Variants in SLIT3 observed in about 807,000 individuals in gnomAD.
SLIT3 encodes the protein slit guidance ligand 3.
In SLIT3, 68 loss-of-function variants were observed where a neutral mutation model predicts 184.0. The observed-to-expected ratio is 0.37, with a 90% CI of 0.30 to 0.45. The LOEUF (loss-of-function observed/expected upper bound fraction) is 0.45. Among genes scored for constraint, SLIT3 ranks in the 20% least tolerant of loss-of-function variants. The probability of loss-of-function intolerance (pLI) is 1.00; values close to 1 mark genes in which losing one functional copy is unlikely to be tolerated. For missense variants in SLIT3, 1,707 were observed against 2,026.0 expected, an observed-to-expected ratio of 0.84 and a Z score of 3.02; for synonymous variants, 831 against 828.6, an observed-to-expected ratio of 1.00 and a Z score of -0.05.
chr5:168,936,533 G>A (rs185376394), intron 4 of SLIT3, among the ~76,000 whole-genome samples: 7 of 152,206 alleles, frequency 4.6e-5, no homozygotes, highest in Admixed American at 3.9e-4. Context: ...GCGCCTGGTA[G>A]CTTTTCCTCT....
intron 17 of SLIT3, 23 bp downstream of exon 17, chr5:168,753,841 C>T (rs756825036): frequency 8.1e-6 from 13 of 1,606,064 alleles, no homozygotes; most frequent in Middle Eastern, 2.2e-4. Flanking sequence ...GGTCTTGGCC[C>T]AGGCCCCACC....
intron 1 of SLIT3, among the ~76,000 whole-genome samples, chr5:169,256,270 C>A (rs1765956925): frequency 6.6e-6 from 1 of 152,150 alleles, no homozygotes; most frequent in Non-Finnish European, 1.5e-5. Context: ...GGCAACATAG[C>A]AAGACCCTGT....
At chr5:168,669,263 G>A (rs1373039080) in intron 35 of SLIT3, among the ~76,000 whole-genome samples, 2 of 152,214 alleles carry the variant, frequency 1.3e-5, no homozygotes, top group Admixed American at 1.3e-4. Context: ...AAGACAAGTG[G>A]CTTACTCTCT....
At chr5:168,838,405 T>C (rs1047986868) in intron 6 of SLIT3, among the ~76,000 whole-genome samples, 27 of 152,214 alleles carry the variant, frequency 1.8e-4, no homozygotes, top group African/African-American at 6.3e-4. Flanking sequence ...TGCTCAAAAA[T>C]AGAAGTAGAC....
chr5:168,778,197 G>A (rs13185422), intron 12 of SLIT3, among the ~76,000 whole-genome samples: 20,283 of 152,016 alleles, frequency 0.13, 1,526 homozygotes, highest in Middle Eastern at 0.2. Flanking sequence ...CTTTTCCCAC[G>A]CACTTTCCAG....
At chr5:169,215,887 C>A (rs1036792014) in intron 3 of SLIT3, among the ~76,000 whole-genome samples, 1 of 152,200 alleles carries the variant, frequency 6.6e-6, no homozygotes, top group Non-Finnish European at 1.5e-5. Flanking sequence ...TTATCATCAT[C>A]ATAATATTTA....
At chr5:168,856,997 G>A (rs533414418) in intron 5 of SLIT3, among the ~76,000 whole-genome samples, 16 of 152,102 alleles carry the variant, frequency 1.1e-4, no homozygotes, top group African/African-American at 3.9e-4. Context: ...GGGGCCTGGT[G>A]AAAATGGTGA....
Position 169,300,655 on chromosome 5 carries a change from C to T in SLIT3, c.55G>A (p.Ala19Thr). 6.9e-7 allele frequency: 1 copy of T among 1,445,276 alleles called. No individual in the cohort carries two copies. The allele number at this position is 1,445,276 out of a possible 1,614,324, so 89.5% of individuals were successfully genotyped here. Reference sequence around the variant, plus strand: ...CTCAGGACGCTCGCCAGCGCCAAGGCCAGCGCCAGGCGGGCGCGCACGGCG... The same window carrying T: ...CTCAGGACGCTCGCCAGCGCCAAGGTCAGCGCCAGGCGGGCGCGCACGGCG... Reference protein sequence around the residue: ...GAAVRARLALALALASVLSGP... With the variant: ...GAAVRARLALTLALASVLSGP... Residue 19 changes from alanine to threonine, a missense_variant, in exon 1 of 36, where the codon GCC becomes ACC. By Grantham distance (58) the Ala-to-Thr change is moderately conservative (BLOSUM62 0). This residue lies in a region of SLIT3 where 1,307 missense variants were observed against 1,511.6 expected (regional missense o/e 0.86). Coordinates refer to ENST00000519560, the MANE Select transcript of SLIT3 (RefSeq NM_003062.4). The surrounding 1 kb of genome is among the most constrained non-coding windows in gnomAD (Gnocchi z 4.1).
intron 4 of SLIT3, among the ~76,000 whole-genome samples, chr5:168,958,995 C>T (rs1581246176): frequency 6.6e-6 from 1 of 152,362 alleles, no homozygotes; most frequent in East Asian, 1.9e-4. Flanking sequence ...GCAGGCATTG[C>T]TAATCGATGA....
At chr5:168,766,443 C>T (rs1755348464) in intron 14 of SLIT3, among the ~76,000 whole-genome samples, 1 of 152,238 alleles carries the variant, frequency 6.6e-6, no homozygotes, top group Non-Finnish European at 1.5e-5. Context: ...ATGGGCAAGG[C>T]TGGGGGACCA....
At chr5:169,091,080 G>A (rs762119626) in intron 4 of SLIT3, among the ~76,000 whole-genome samples, 1 of 152,128 alleles carries the variant, frequency 6.6e-6, no homozygotes, top group Non-Finnish European at 1.5e-5. Context: ...GAGAGAGAGC[G>A]CCCTAGTTCT....
In SLIT3 at chr5:168,868,154, G is replaced by A. The variant is rs1162518326; in HGVS notation, c.485+15111C>T. ...AACCCCGCAAGCCAATAGCCCAACT[G>A]TAAGATAAACTCTGTGTGCATCAAT... On this transcript the variant is annotated intron_variant, in intron 5 of 35. Coordinates refer to ENST00000519560, the MANE Select transcript of SLIT3 (RefSeq NM_003062.4). Among the ~76,000 whole-genome samples the A allele has an allele frequency of 2.0e-5, 3 of 152,300 alleles. 1 individual carries two copies. The highest frequency in any genetic ancestry group is 4.8e-5 in the African/African-American group (2 of 41,566).
At chr5:168,850,317 C>T (rs1162181526) in intron 5 of SLIT3, among the ~76,000 whole-genome samples, 1 of 152,186 alleles carries the variant, frequency 6.6e-6, no homozygotes, top group South Asian at 2.1e-4. Flanking sequence ...ATTTTGTACA[C>T]TTGCCCACCA....
At chr5:168,735,357 G>C (rs754219031) in intron 20 of SLIT3, among the ~76,000 whole-genome samples, 1 of 152,136 alleles carries the variant, frequency 6.6e-6, no homozygotes, top group African/African-American at 2.4e-5. Flanking sequence ...CCTTCCCAGA[G>C]ACTCTGCTCC....
chr5:169,003,397 G>A (rs1215057543), intron 4 of SLIT3, among the ~76,000 whole-genome samples: 1 of 152,196 alleles, frequency 6.6e-6, no homozygotes, highest in African/African-American at 2.4e-5. Flanking sequence ...GTCTGACCCT[G>A]CTCAGCTTCT....
chr5:169,018,040 A>C (rs945472903), intron 4 of SLIT3: 2 of 152,260 alleles, frequency 1.3e-5, no homozygotes, highest in Admixed American at 1.3e-4. Flanking sequence ...CCCACCCCCC[A>C]GAAGCCTGCA....
At chr5:169,070,797 C>CAAAAAAAAAAA (rs34764320) in intron 4 of SLIT3, among the ~76,000 whole-genome samples, 1 of 116,068 alleles carries the variant, frequency 8.6e-6, no homozygotes, top group Non-Finnish European at 1.8e-5. Context: ...ACATTTTCCT[C>CAAAAAAAAAAA]AAAAAAAAAA....
rs189420755 is a variant in SLIT3 at position 169,147,983 on chromosome 5, G to A, written c.413+45496C>T. Among the ~76,000 whole-genome samples the A allele has an allele frequency of 4.4e-3, 674 of 152,214 alleles. 3 individuals are homozygous for A. The highest frequency in any genetic ancestry group is 0.034 in the Middle Eastern group (10 of 294). ...AAGGAAGCCCCCTTTTTTTCTTAGA[G>A]AAAGATTCCAAGAAGATTCGTTCCT... On this transcript the variant is annotated intron_variant, in intron 4 of 35. Coordinates refer to ENST00000519560, the MANE Select transcript of SLIT3 (RefSeq NM_003062.4).
chr5:169,126,373 C>G (rs908013250), intron 4 of SLIT3, among the ~76,000 whole-genome samples: 1 of 152,116 alleles, frequency 6.6e-6, no homozygotes, highest in African/African-American at 2.4e-5. Flanking sequence ...GATGTGAGAC[C>G]TCACGCAGGC....
Sources: allele counts gnomAD v4.1 joint callset (sites outside exome capture counted in the v4.1 genomes callset), GRCh38; gene constraint gnomAD v4.1.1; regional missense constraint gnomAD v4.1.1; non-coding constraint Gnocchi (gnomAD v3.1); transcripts MANE v1.5; gene names NCBI Gene and HGNC (gene_info 2026-07-23, HGNC 2026-07-21).